BMPR2: variants seen among roughly 807,000 people sequenced by gnomAD.
BMPR2 encodes bone morphogenetic protein receptor type-2.
BMPR2 carries 29 observed loss-of-function variants against 100.8 expected under a neutral mutation model. The observed-to-expected ratio is 0.29, with a 90% confidence interval of 0.21 to 0.39. The LOEUF is 0.39. BMPR2 is among the 10% of genes least tolerant of loss of function. BMPR2 has a pLI of 1.00. For synonymous variants in BMPR2, 382 were observed against 442.3 expected (o/e 0.86, Z 1.71); for missense variants, 1,011 against 1,274.5 (o/e 0.79, Z 3.15).
intron 1 of BMPR2, among the ~76,000 whole-genome samples, chr2:202,448,183 C>G (rs1363943906): frequency 6.8e-6 from 1 of 147,408 alleles, no homozygotes; most frequent in Non-Finnish European, 1.5e-5. Context: ...GGCGCGGTGG[C>G]TCAAGCCTCT....
chr2:202,506,871 G>C (rs1175700270), intron 3 of BMPR2, among the ~76,000 whole-genome samples: 1 of 151,974 alleles, frequency 6.6e-6, no homozygotes, highest in Non-Finnish European at 1.5e-5. Flanking sequence ...CTGCTCTCCA[G>C]CCTGGGTGAC....
In BMPR2 at chr2:202,506,151, T is replaced by A. The variant is rs559554801; in HGVS notation, c.419-7568T>A. On this transcript the variant is annotated intron_variant, in intron 3 of 12. Transcript: ENST00000374580. ...GATAGATCCTGTGTCTCCTCTTTTT[T>A]AATTTTTAATTAATTAATTTTTTTT... Among the ~76,000 whole-genome samples, 11 of 151,494 alleles carry A rather than the reference T, an allele frequency of 7.3e-5. No individual in the cohort carries two copies. In the East Asian group the frequency reaches 1.2e-3, roughly 16 times the overall value.
chr2:202,543,969 A>G (rs749243751), intron 10 of BMPR2, among the ~76,000 whole-genome samples: 3 of 152,052 alleles, frequency 2.0e-5, no homozygotes, highest in African/African-American at 4.8e-5. Flanking sequence ...TGATCACACC[A>G]CTGCCCTCCA....
intron 1 of BMPR2, among the ~76,000 whole-genome samples, chr2:202,387,635 G>A (rs962496312): frequency 2.6e-5 from 4 of 152,058 alleles, no homozygotes; most frequent in Admixed American, 6.6e-5. Context: ...AATATCTTAG[G>A]TTTTGTTTTA....
At chr2:202,413,399 C>T (rs1479931983) in intron 1 of BMPR2, among the ~76,000 whole-genome samples, 2 of 152,130 alleles carry the variant, frequency 1.3e-5, no homozygotes, top group Non-Finnish European at 2.9e-5. Context: ...AGTGTCAGTG[C>T]ATCAACAAAA....
intron 1 of BMPR2, among the ~76,000 whole-genome samples, chr2:202,398,994 G>A (rs1179820778): frequency 2.0e-5 from 3 of 152,168 alleles, no homozygotes; most frequent in Non-Finnish European, 4.4e-5. Context: ...TGGCCATGGT[G>A]GCGCATGCCT....
intron 3 of BMPR2, among the ~76,000 whole-genome samples, chr2:202,477,539 C>G (rs1027920194): frequency 2.0e-5 from 3 of 152,252 alleles, no homozygotes; most frequent in Middle Eastern, 3.4e-3. Flanking sequence ...CCTGTAATCC[C>G]AGCACTTTGG....
Position 202,556,414 on chromosome 2 carries a change from G to C in BMPR2, c.2749G>C (p.Ala917Pro). ...TCCATGTTCAGAACAAGATGTTCTT[G>C]CACAGGGTGTTCCAAGCACAGCAGC... ...SNPCSEQDVL[A>P]QGVPSTAADP... The change falls in exon 12 of 13, where the codon GCA becomes CCA. Residue 917 changes from alanine (A) to proline (P), a missense_variant. By Grantham distance (27) the Ala-to-Pro change is conservative. Transcript: ENST00000374580. The C allele has an allele frequency of 6.2e-7, 1 of 1,614,200 alleles. No homozygotes were observed. Among genetic ancestry groups the C allele is most frequent in the Non-Finnish European group, 8.5e-7 (1 of 1,180,044 alleles).
chr2:202,464,204 A>G (rs1474424052), intron 1 of BMPR2, among the ~76,000 whole-genome samples: 1 of 150,948 alleles, frequency 6.6e-6, no homozygotes, highest in African/African-American at 2.4e-5. Flanking sequence ...ATTGAAGTAT[A>G]ATTTATACCT....
chr2:202,532,822 T>A lies in BMPR2; in HGVS notation c.1276+90T>A. On this transcript the variant is annotated intron_variant, in intron 9 of 12. Transcript: ENST00000374580. The surrounding 1 kb of genome is among the most constrained non-coding windows in gnomAD (Gnocchi z 4.1). Reference sequence around the variant, plus strand: ...TATAGTACCTAACTCAACTTTTATGTAAGAATCTTTTTACTTTCATTTAAA... The same window carrying A: ...TATAGTACCTAACTCAACTTTTATGAAAGAATCTTTTTACTTTCATTTAAA... 7.1e-7 allele frequency: 1 copy of A among 1,399,886 alleles called. No individual in the cohort carries two copies. The highest frequency in any genetic ancestry group is 9.9e-7 in the Non-Finnish European group (1 of 1,014,220). 86.7% of individuals were successfully genotyped at this position (1,399,886 alleles called of 1,614,324 possible). A position where few individuals can be genotyped will look rare whatever the true frequency, so the allele number is the denominator to read the frequency against.
chr2:202,543,308 C>T (rs1047832160), intron 10 of BMPR2, among the ~76,000 whole-genome samples: 1 of 139,332 alleles, frequency 7.2e-6, no homozygotes, highest in Non-Finnish European at 1.5e-5. Context: ...CTCAAGTCCC[C>T]TGCCATTTGA....
chr2:202,384,668 A>T (rs565888103), intron 1 of BMPR2, among the ~76,000 whole-genome samples: 1 of 150,628 alleles, frequency 6.6e-6, no homozygotes, highest in South Asian at 2.1e-4. Context: ...ATCTCTGCTC[A>T]CTGCAACCTT....
chr2:202,448,843 G>C (rs1289368245), intron 1 of BMPR2, among the ~76,000 whole-genome samples: 2 of 151,788 alleles, frequency 1.3e-5, no homozygotes, highest in African/African-American at 4.8e-5. Flanking sequence ...CTGTGGTTTA[G>C]CTGTTGGCTC....
Position 202,377,571 on chromosome 2 carries a change from C to G in BMPR2, c.76+21C>G, listed in dbSNP as rs747993296. 8 of 1,613,500 alleles carry G rather than the reference C, an allele frequency of 5.0e-6. No individual in the cohort carries two copies. In the South Asian group the frequency reaches 8.8e-5, roughly 18 times the overall value. On this transcript the variant is annotated intron_variant, in intron 1 of 12. Transcript: ENST00000374580. ...GGCTGGTGAGTAGCTCCGGCCGGCA[C>G]GTCCCGGCCACTGCCCCTGCGGGTG...
At chr2:202,409,388 T>C (rs1455701781) in intron 1 of BMPR2, among the ~76,000 whole-genome samples, 1 of 152,068 alleles carries the variant, frequency 6.6e-6, no homozygotes, top group African/African-American at 2.4e-5. Context: ...AAAAAAATTA[T>C]ATTTTCCAAA....
intron 3 of BMPR2, 69 bp downstream of exon 3, chr2:202,467,758 A>C: frequency 6.6e-7 from 1 of 1,509,886 alleles, no homozygotes. Context: ...AAAAAAACTT[A>C]AAAAACATTC....
chr2:202,545,702 A>G (rs561542526), intron 10 of BMPR2, among the ~76,000 whole-genome samples: 1 of 152,316 alleles, frequency 6.6e-6, no homozygotes, highest in East Asian at 1.9e-4. Context: ...TCACTAGGTT[A>G]CTTTCAAGTT....
intron 1 of BMPR2, among the ~76,000 whole-genome samples, chr2:202,422,584 G>C (rs562385274): frequency 1.3e-5 from 2 of 152,310 alleles, no homozygotes; most frequent in East Asian, 3.9e-4. Flanking sequence ...GGGATTACAG[G>C]CGTGAGCCAT....
In BMPR2 at chr2:202,443,479, T is replaced by TA. The variant is rs1389055416; in HGVS notation, c.77-21329dup. Among the ~76,000 whole-genome samples, 5 of 150,454 alleles carry TA rather than the reference T, an allele frequency of 3.3e-5. 1 individual carries two copies. The highest frequency in any genetic ancestry group is 6.6e-5 in the Admixed American group (1 of 15,190). On this transcript the variant is annotated intron_variant, in intron 1 of 12. Transcript: ENST00000374580. ...ATTTCTTTATATATTCACCAACACTTACTTTCTGCCTCTGTCTCTCTTTCT... is the reference window on the plus strand; with the variant it reads ...ATTTCTTTATATATTCACCAACACTTAACTTTCTGCCTCTGTCTCTCTTTCT...
Sources: allele counts gnomAD v4.1 joint callset (sites outside exome capture counted in the v4.1 genomes callset), GRCh38; gene constraint gnomAD v4.1.1; non-coding constraint Gnocchi (gnomAD v3.1); transcripts MANE v1.5; gene names NCBI Gene and HGNC (gene_info 2026-07-23, HGNC 2026-07-21).